The following EGF variants were observed in gnomAD, a reference collection of about 807,000 sequenced individuals.
The protein encoded by EGF is epidermal growth factor, also known as pro-epidermal growth factor.
Under a neutral mutation model 143.8 loss-of-function variants are expected in EGF, and 95 were observed. The ratio of observed to expected loss-of-function variants is 0.66; its 90% CI spans 0.56 to 0.78. The LOEUF (loss-of-function observed/expected upper bound fraction) is 0.78, where lower values mean the gene tolerates loss of function less well. Ranked by LOEUF, EGF falls within the 30% of genes least tolerant of loss-of-function variation. The probability of loss-of-function intolerance (pLI) is 0.00; values close to 1 mark genes in which losing one functional copy is unlikely to be tolerated. For missense variants in EGF, 1,320 were observed against 1,470.9 expected, an observed-to-expected ratio of 0.90 and a Z score of 1.68; for synonymous variants, 510 against 510.5, an observed-to-expected ratio of 1.00 and a Z score of 0.01.
intron 21 of EGF, chr4:110,001,612 T>C: frequency 4.1e-6 from 4 of 985,376 alleles, no homozygotes; most frequent in Non-Finnish European, 3.6e-6. Flanking sequence ...TGTTATGATA[T>C]AGTATGTCTT....
intron 1 of EGF, among the ~76,000 whole-genome samples, chr4:109,924,438 CT>C (rs1560630548): frequency 6.6e-6 from 1 of 151,484 alleles, no homozygotes; most frequent in Non-Finnish European, 1.5e-5. Context: ...ATGAAATTTC[CT>C]TTTATATAAA....
At position 109,932,671 on chromosome 4, in the gene EGF, C is replaced by T. The variant is rs138422747; in HGVS notation, c.128-8275C>T. Among the ~76,000 whole-genome samples the T allele has an allele frequency of 1.1e-3, 160 of 151,914 alleles. No homozygotes were observed. In the Middle Eastern group the frequency reaches 0.017, roughly 16 times the overall value. ...TGCTGGGATTACAGGCATGAGCCAC[C>T]GCGCCTGGCCCAATATTTTTTAATA... is the stretch of plus-strand genomic sequence containing the variant. On this transcript the variant is annotated intron_variant, in intron 1 of 23. Transcript: ENST00000265171.
At chr4:109,966,330 T>C (rs1038863305) in intron 10 of EGF, among the ~76,000 whole-genome samples, 1 of 152,106 alleles carries the variant, frequency 6.6e-6, no homozygotes, top group Non-Finnish European at 1.5e-5. Context: ...GTCATTTCAC[T>C]TAGTATAATG....
At chr4:109,939,661 C>T (rs11568874) in intron 1 of EGF, among the ~76,000 whole-genome samples, 2,226 of 152,246 alleles carry the variant, frequency 0.015, 52 homozygotes, top group African/African-American at 0.05. Flanking sequence ...TGTTCCTATT[C>T]GGCCATCTTG....
chr4:110,008,109 A>G lies in EGF; in HGVS notation c.3292-43A>G, dbSNP rs202040315. On this transcript the variant is annotated intron_variant, in intron 22 of 23. Transcript: ENST00000265171. ...TCAATGTACGTTGAGATAATTTGTGAATTTTAACAATATCCTCTCTCCCTC... is the reference window on the plus strand; with the variant it reads ...TCAATGTACGTTGAGATAATTTGTGGATTTTAACAATATCCTCTCTCCCTC... 6.4e-6 allele frequency: 10 copies of G among 1,560,756 alleles called. No homozygotes were observed. In the Admixed American group the frequency reaches 1.2e-4, roughly 18 times the overall value.
rs180996511 is a variant in EGF at position 109,964,266 on chromosome 4, A to T, written c.1439-135A>T. ...CCTCTTGCCTGTCTTCACCTATACC[A>T]CACTAGAGGGAAATTAAGAAAACAA... On this transcript the variant is annotated intron_variant, in intron 9 of 23. Transcript: ENST00000265171. The T allele has an allele frequency of 1.1e-4, 143 of 1,247,708 alleles. 1 individual carries two copies. In the African/African-American group the frequency reaches 1.6e-3, roughly 14 times the overall value. The allele number at this position is 1,247,708 out of a possible 1,614,324, so 77.3% of individuals were successfully genotyped here. A position where few individuals can be genotyped will look rare whatever the true frequency, so the allele number is the denominator to read the frequency against.
Position 109,913,373 on chromosome 4 carries a change from C to T in EGF, c.38C>T (p.Ser13Leu). The part of the protein sequence containing the change: ...LTLIILLPVV[S>L]KFSFVSLSAP... ...CTTATCATTCTGTTGCCAGTAGTTT[C>T]AAAATTTAGTTTTGTTAGTCTCTCA... Residue 13 changes from serine (S) to leucine (L), a missense_variant, in exon 1 of 24, where the codon TCA (serine) becomes TTA (leucine). Physicochemically the swap from Ser to Leu is moderately radical, Grantham distance 145. Transcript: ENST00000265171. The T allele has an allele frequency of 6.2e-7, 1 of 1,613,990 alleles. No homozygotes were observed. The highest frequency in any genetic ancestry group is 8.5e-7 in the Non-Finnish European group (1 of 1,179,922).
chr4:109,933,240 C>T (rs1385408978), intron 1 of EGF, among the ~76,000 whole-genome samples: 1 of 152,132 alleles, frequency 6.6e-6, no homozygotes, highest in Non-Finnish European at 1.5e-5. Context: ...AAGATGTCTA[C>T]GTGATTCTAC....
At chr4:109,939,260 C>T (rs1741475950) in intron 1 of EGF, among the ~76,000 whole-genome samples, 1 of 152,230 alleles carries the variant, frequency 6.6e-6, no homozygotes. Context: ...GCATCCCTCC[C>T]TCCACCAAGC....
Position 109,913,390 on chromosome 4 carries a change from A to G in EGF, c.55A>G (p.Ser19Gly). The change falls in exon 1 of 24, where the codon AGT becomes GGT. Residue 19 changes from serine (S) to glycine (G), a missense_variant. By Grantham distance (56) the Ser-to-Gly change is moderately conservative (BLOSUM62 0). This residue lies in a region of EGF where 79 missense variants were observed against 71.2 expected (regional missense o/e 1.11). Transcript: ENST00000265171. ...LPVVSKFSFV[S>G]LSAPQHWSCP... is the part of the protein sequence containing the mutation. ...AGTAGTTTCAAAATTTAGTTTTGTT[A>G]GTCTCTCAGCACCGCAGCACTGGAG... is the stretch of plus-strand genomic sequence containing the variant. 6.2e-7 allele frequency: 1 copy of G among 1,613,992 alleles called. No individual in the cohort carries two copies. The highest frequency in any genetic ancestry group is 1.1e-5 in the South Asian group (1 of 91,080).
chr4:109,998,478 G>A (rs1054122875), intron 20 of EGF, among the ~76,000 whole-genome samples: 7 of 152,220 alleles, frequency 4.6e-5, no homozygotes, highest in South Asian at 4.1e-4. Context: ...GCTGTGTGAC[G>A]TTGTACAAAC....
intron 1 of EGF, among the ~76,000 whole-genome samples, chr4:109,940,143 T>C (rs1190832844): frequency 6.6e-6 from 1 of 152,136 alleles, no homozygotes; most frequent in Non-Finnish European, 1.5e-5. Flanking sequence ...GCATCAGAGT[T>C]GGTAGGTGGC....
chr4:109,979,663 A>C (rs1196229156), intron 13 of EGF, among the ~76,000 whole-genome samples: 4 of 152,176 alleles, frequency 2.6e-5, no homozygotes. Context: ...AACAAGGAAA[A>C]TTCCACCTTT....
In EGF at chr4:109,913,179, T is replaced by C; in HGVS notation, c.-157T>C. The C allele has an allele frequency of 2.4e-6, 2 of 819,580 alleles. No individual in the cohort carries two copies. The highest frequency in any genetic ancestry group is 4.0e-6 in the Non-Finnish European group (2 of 506,172). 50.8% of individuals were successfully genotyped at this position (819,580 alleles called of 1,614,324 possible). A position where few individuals can be genotyped will look rare whatever the true frequency, so the allele number is the denominator to read the frequency against. Reference sequence around the variant, plus strand: ...AAGGTCTCTCAGTTGAAGAAAGAGCTTGGAGGACAACAGCACAACAGGAGA... The same window carrying C: ...AAGGTCTCTCAGTTGAAGAAAGAGCCTGGAGGACAACAGCACAACAGGAGA... On this transcript the variant is annotated 5_prime_UTR_variant, in exon 1 of 24. Transcript: ENST00000265171.
intron 11 of EGF, among the ~76,000 whole-genome samples, chr4:109,970,282 C>T (rs1445175199): frequency 6.6e-6 from 1 of 152,022 alleles, no homozygotes; most frequent in Non-Finnish European, 1.5e-5. Flanking sequence ...AACGATAGAC[C>T]CCTCACAAAA....
intron 10 of EGF, among the ~76,000 whole-genome samples, chr4:109,966,788 ACT>A (rs1746676570): frequency 6.6e-6 from 1 of 152,038 alleles, no homozygotes; most frequent in South Asian, 2.1e-4. Context: ...TTCTCTGATG[ACT>A]AGTGATGTTA....
At chr4:109,959,801 C>T (rs891016738) in intron 6 of EGF, among the ~76,000 whole-genome samples, 42 of 151,728 alleles carry the variant, frequency 2.8e-4, no homozygotes, top group Admixed American at 2.0e-4. Flanking sequence ...TCATAGGGAT[C>T]GTAAGAGTCT....
intron 1 of EGF, 42 bp downstream of exon 1, chr4:109,913,504 C>T (rs374048089): frequency 4.4e-6 from 7 of 1,606,424 alleles, no homozygotes; most frequent in Non-Finnish European, 6.0e-6. Context: ...CTCCGGGAAA[C>T]TGCCCCCACA....
intron 5 of EGF, among the ~76,000 whole-genome samples, chr4:109,952,374 A>G (rs1464923750): frequency 1.3e-5 from 2 of 152,224 alleles, no homozygotes; most frequent in African/African-American, 4.8e-5. Flanking sequence ...CTTTACATTC[A>G]TTTCATGCAC....
Sources: gnomAD v4.1 joint callset for allele counts (sites outside exome capture counted in the v4.1 genomes callset) on GRCh38, gnomAD v4.1.1 for gene constraint, gnomAD v4.1.1 regional missense constraint, MANE v1.5 for transcripts, NCBI Gene and HGNC (gene_info 2026-07-23, HGNC 2026-07-21) for gene names.